Variants in MTREX observed in about 807,000 individuals in gnomAD.
MTREX encodes Mtr4 exosome RNA helicase.
Under a neutral mutation model 135.4 loss-of-function variants are expected in MTREX, and 76 were observed. The ratio of observed to expected loss-of-function variants is 0.56; its 90% CI spans 0.47 to 0.68. The LOEUF (loss-of-function observed/expected upper bound fraction) is 0.68. MTREX is among the 30% of genes least tolerant of loss of function. MTREX has a pLI of 0.00. For synonymous variants in MTREX, 404 were observed against 401.6 expected, an observed-to-expected ratio of 1.01 and a Z score of -0.07; for missense variants, 920 against 1,262.1, an observed-to-expected ratio of 0.73 and a Z score of 4.11.
chr5:55,311,274 CA>C (rs1489068233), intron 1 of MTREX, among the ~76,000 whole-genome samples: 3 of 151,798 alleles, frequency 2.0e-5, no homozygotes, highest in Non-Finnish European at 4.4e-5. Flanking sequence ...GTATTTATGT[CA>C]TCCAACAAAA....
At chr5:55,368,217 A>T (rs190857607) in intron 16 of MTREX, among the ~76,000 whole-genome samples, 6 of 152,234 alleles carry the variant, frequency 3.9e-5, no homozygotes, top group Non-Finnish European at 7.4e-5. Context: ...TGCGAGGCCC[A>T]GGGGGGCAGA....
intron 25 of MTREX, among the ~76,000 whole-genome samples, chr5:55,418,842 G>A (rs230759): frequency 0.86 from 130,680 of 151,972 alleles, 56,569 homozygotes; most frequent in South Asian, 0.92. Context: ...GTTATTGTAT[G>A]TGGTTGTTTT....
At chr5:55,322,283 A>G in intron 1 of MTREX, 44 bp from the exon 2 acceptor site, 1 of 1,535,596 alleles carries the variant, frequency 6.5e-7, no homozygotes, top group Admixed American at 2.1e-5. Context: ...CCTTAAAGTA[A>G]AAGTGGATAC....
At chr5:55,393,705 T>TA (rs1408865689) in intron 19 of MTREX, among the ~76,000 whole-genome samples, 1 of 152,242 alleles carries the variant, frequency 6.6e-6, no homozygotes, top group Middle Eastern at 3.2e-3. Flanking sequence ...TATTTGGACT[T>TA]ACAAAGACCA....
chr5:55,398,205 A>G (rs1750673638), intron 20 of MTREX, among the ~76,000 whole-genome samples: 2 of 151,950 alleles, frequency 1.3e-5, no homozygotes. Context: ...ACATCACTGC[A>G]CTCTAGCATG....
At chr5:55,405,367 C>G in intron 21 of MTREX, 58 bp from the exon 22 acceptor site, 1 of 1,377,750 alleles carries the variant, frequency 7.3e-7, no homozygotes, top group Non-Finnish European at 1.0e-6. Context: ...ATGAATAAAT[C>G]TCCTTGTACA....
chr5:55,418,233 CAA>C (rs11446735), intron 25 of MTREX, among the ~76,000 whole-genome samples: 5 of 124,612 alleles, frequency 4.0e-5, no homozygotes, highest in African/African-American at 3.1e-5. Context: ...GACACCATCT[CAA>C]AAAAAAAAAA....
At chr5:55,324,228 T>G (rs762066553) in intron 3 of MTREX, 30 bp downstream of exon 3, 1 of 1,531,710 alleles carries the variant, frequency 6.5e-7, no homozygotes. Context: ...AGAAGGTTAG[T>G]GTTACAAATG....
At chr5:55,338,294 T>C (rs1446610387) in intron 5 of MTREX, among the ~76,000 whole-genome samples, 1 of 152,136 alleles carries the variant, frequency 6.6e-6, no homozygotes, top group Non-Finnish European at 1.5e-5. Flanking sequence ...TGACCGATTT[T>C]TTTTCCCCTT....
At chr5:55,322,259 T>TTTTATGATGTTGCCCTTAAAGTAA in intron 1 of MTREX, 68 bp from the exon 2 acceptor site, 1 of 1,384,274 alleles carries the variant, frequency 7.2e-7, no homozygotes, top group Non-Finnish European at 9.8e-7. Context: ...TAGAGCAGTA[T>TTTTATGATGTTGCCCTTAAAGTAA]TTTATGATGT....
At chr5:55,348,870 G>T (rs1044705723) in intron 11 of MTREX, among the ~76,000 whole-genome samples, 1 of 152,230 alleles carries the variant, frequency 6.6e-6, no homozygotes, top group Non-Finnish European at 1.5e-5. Flanking sequence ...TTAAGAAAGA[G>T]CATGGGCTTT....
chr5:55,365,270 C>G (rs922158352), intron 15 of MTREX, among the ~76,000 whole-genome samples: 9 of 152,124 alleles, frequency 5.9e-5, no homozygotes, highest in African/African-American at 2.2e-4. Context: ...TCTCTTTTCT[C>G]CAAGAATCTA....
rs1225132276 is a variant in MTREX, at chr5:55,425,181, CTTCACCTGGGCACCCTGCTGCCT to C, written c.*414_*436del. 1 of 1,602,130 alleles carries C rather than the reference CTTCACCTGGGCACCCTGCTGCCT, an allele frequency of 6.2e-7. No homozygotes were observed. Among genetic ancestry groups the C allele is most frequent in the Non-Finnish European group, 8.5e-7 (1 of 1,176,818 alleles). Reference sequence around the variant, plus strand: ...CATTTTCCTTTAGAAAACAGGCCAGCTTCACCTGGGCACCCTGCTGCCTTTCAAGGCTGGTGATTGCTCGGATA... The same window carrying C: ...CATTTTCCTTTAGAAAACAGGCCAGCTTCAAGGCTGGTGATTGCTCGGATA... On this transcript the variant is annotated 3_prime_UTR_variant, in exon 27 of 27. Transcript: ENST00000230640.
At chr5:55,365,211 T>A (rs1454656603) in intron 15 of MTREX, among the ~76,000 whole-genome samples, 1 of 152,220 alleles carries the variant, frequency 6.6e-6, no homozygotes, top group East Asian at 1.9e-4. Flanking sequence ...CAGGAAAGTC[T>A]GCAAACAATG....
chr5:55,417,119 GTGT>G (rs1164369498), intron 25 of MTREX, among the ~76,000 whole-genome samples: 3 of 152,068 alleles, frequency 2.0e-5, no homozygotes. Context: ...TTAAATTATG[GTGT>G]TGTATCTTAC....
chr5:55,411,931 C>T (rs1750889963), intron 23 of MTREX, among the ~76,000 whole-genome samples: 1 of 152,104 alleles, frequency 6.6e-6, no homozygotes, highest in South Asian at 2.1e-4. Flanking sequence ...TCTTACTTTT[C>T]ATTATTTGCA....
intron 23 of MTREX, 36 bp from the exon 24 acceptor site, chr5:55,414,146 T>G: frequency 6.8e-7 from 1 of 1,468,592 alleles, no homozygotes; most frequent in Non-Finnish European, 9.2e-7. Context: ...ACTTTAAACG[T>G]GGGTTTTTAT....
chr5:55,338,790 T>A (rs1033244948), intron 5 of MTREX, among the ~76,000 whole-genome samples: 1 of 137,370 alleles, frequency 7.3e-6, no homozygotes, highest in Admixed American at 7.2e-5. Flanking sequence ...CTTTTTCTTT[T>A]TTTTTTTTTT....
intron 5 of MTREX, among the ~76,000 whole-genome samples, chr5:55,332,982 AT>A (rs1006638761): frequency 2.0e-5 from 3 of 151,026 alleles, no homozygotes; most frequent in Non-Finnish European, 3.0e-5. Flanking sequence ...GTTTTTATTG[AT>A]TTTTTTCCCT....
Sources: gnomAD v4.1 joint callset for allele counts (sites outside exome capture counted in the v4.1 genomes callset) on GRCh38, gnomAD v4.1.1 for gene constraint, MANE v1.5 for transcripts, NCBI Gene and HGNC (gene_info 2026-07-23, HGNC 2026-07-21) for gene names.